Variants in OSBP2 observed in about 807,000 individuals in gnomAD.
The protein encoded by OSBP2 is oxysterol-binding protein 2.
OSBP2 carries 66 observed loss-of-function variants against 96.0 expected under a neutral mutation model. The observed-to-expected ratio is 0.69, with a 90% CI of 0.56 to 0.84. The LOEUF (loss-of-function observed/expected upper bound fraction) is 0.84, where lower values mean the gene tolerates loss of function less well. Ranked by LOEUF, OSBP2 falls within the 40% of genes least tolerant of loss-of-function variation. The pLI, the probability that OSBP2 is intolerant of heterozygous loss-of-function variation, is 0.00. For synonymous variants in OSBP2, 525 were observed against 520.9 expected (o/e 1.01, Z -0.11); for missense variants, 1,038 against 1,222.7 (o/e 0.85, Z 2.25).
At chr22:30,815,291 A>C (rs2091069381) in intron 2 of OSBP2, among the ~76,000 whole-genome samples, 1 of 152,068 alleles carries the variant, frequency 6.6e-6, no homozygotes, top group Non-Finnish European at 1.5e-5. Flanking sequence ...TTTTTTAACA[A>C]AACAAAACAA....
chr22:30,825,313 C>A (rs2038375108), intron 2 of OSBP2, among the ~76,000 whole-genome samples: 1 of 152,166 alleles, frequency 6.6e-6, no homozygotes, highest in Non-Finnish European at 1.5e-5. Flanking sequence ...CATGGTGAAA[C>A]CCCATCCTTA....
intron 8 of OSBP2, among the ~76,000 whole-genome samples, chr22:30,891,180 T>C (rs964268161): frequency 6.6e-6 from 1 of 152,080 alleles, no homozygotes; most frequent in Non-Finnish European, 1.5e-5. Context: ...GCGAGGGGCA[T>C]GAGAACTCAG....
chr22:30,740,658 G>A (rs990703927), intron 1 of OSBP2, among the ~76,000 whole-genome samples: 4 of 152,136 alleles, frequency 2.6e-5, no homozygotes, highest in Non-Finnish European at 5.9e-5. Context: ...ATTTTGCAAA[G>A]GCAGTTTCAT....
intron 2 of OSBP2, among the ~76,000 whole-genome samples, chr22:30,759,633 A>G (rs957388560): frequency 6.6e-6 from 1 of 152,234 alleles, no homozygotes; most frequent in Non-Finnish European, 1.5e-5. Flanking sequence ...TTCTTCAAAA[A>G]TCAAATTCTA....
chr22:30,795,981 G>A (rs2090754844), intron 2 of OSBP2, among the ~76,000 whole-genome samples: 1 of 151,738 alleles, frequency 6.6e-6, no homozygotes, highest in African/African-American at 2.4e-5. Flanking sequence ...TTTCAAGTTG[G>A]CTCCTTGCCA....
intron 2 of OSBP2, among the ~76,000 whole-genome samples, chr22:30,756,608 G>A (rs1241987067): frequency 5.3e-5 from 8 of 152,160 alleles, no homozygotes; most frequent in African/African-American, 1.7e-4. Flanking sequence ...CAGAAGAATC[G>A]TTCGAACCCG....
At chr22:30,878,450 A>T (rs1487306028) in intron 3 of OSBP2, among the ~76,000 whole-genome samples, 4 of 151,890 alleles carry the variant, frequency 2.6e-5, no homozygotes, top group Non-Finnish European at 4.4e-5. Context: ...ATGGGGAAGG[A>T]CCCCATGCTG....
intron 2 of OSBP2, among the ~76,000 whole-genome samples, chr22:30,858,264 A>G (rs952667248): frequency 2.0e-5 from 3 of 150,738 alleles, no homozygotes; most frequent in Non-Finnish European, 4.4e-5. Flanking sequence ...CTCCTGCCTC[A>G]GCCTCCCCAG....
chr22:30,903,975 G>C (rs1171630213), intron 12 of OSBP2, among the ~76,000 whole-genome samples: 1 of 152,226 alleles, frequency 6.6e-6, no homozygotes, highest in African/African-American at 2.4e-5. Context: ...GCATCTTGGG[G>C]ACACACTTGG....
At chr22:30,725,544 AC>A (rs890320621) in intron 1 of OSBP2, among the ~76,000 whole-genome samples, 1 of 135,572 alleles carries the variant, frequency 7.4e-6, no homozygotes, top group Non-Finnish European at 1.6e-5. Context: ...AAAAACAAAA[AC>A]AAAAAAAAAA....
chr22:30,783,542 G>A (rs1014070635), intron 2 of OSBP2, among the ~76,000 whole-genome samples: 5 of 151,768 alleles, frequency 3.3e-5, no homozygotes, highest in Admixed American at 2.0e-4. Context: ...GGCTGGTCTC[G>A]AATTCCTGAT....
intron 1 of OSBP2, among the ~76,000 whole-genome samples, chr22:30,719,764 G>GA (rs979073829): frequency 1.3e-3 from 166 of 127,408 alleles, no homozygotes; most frequent in South Asian, 2.4e-3. Context: ...AAAAAAAAAA[G>GA]AAAAAAAAAA....
In OSBP2 at chr22:30,907,797, A is replaced by G. The variant is rs933608746; in HGVS notation, c.*1458A>G. On this transcript the variant is annotated 3_prime_UTR_variant, in exon 14 of 14. Coordinates refer to ENST00000332585, the MANE Select transcript of OSBP2 (RefSeq NM_030758.4). The stretch of plus-strand genomic sequence containing the variant: ...GCGAGCACCTTTTGACCAGTAATAA[A>G]AAACCTTGGCTTTGGAGTTTTCCAC... The G allele has an allele frequency of 6.6e-6, 1 of 152,608 alleles. No individual in the cohort carries two copies. Among genetic ancestry groups the G allele is most frequent in the Non-Finnish European group, 1.5e-5 (1 of 68,092 alleles). 9.5% of individuals were successfully genotyped at this position (152,608 alleles called of 1,614,324 possible).
At chr22:30,850,874 A>T (rs760036273) in intron 2 of OSBP2, among the ~76,000 whole-genome samples, 1 of 152,240 alleles carries the variant, frequency 6.6e-6, no homozygotes, top group African/African-American at 2.4e-5. Flanking sequence ...ATGGGATTGC[A>T]TTGAATCTAT....
intron 2 of OSBP2, among the ~76,000 whole-genome samples, chr22:30,760,810 T>C (rs1429660210): frequency 6.6e-6 from 1 of 151,376 alleles, no homozygotes; most frequent in Admixed American, 6.6e-5. Flanking sequence ...AGAGCAAGAC[T>C]CTGTCTCAAA....
chr22:30,791,370 A>G (rs1164582653), intron 2 of OSBP2, among the ~76,000 whole-genome samples: 1 of 123,434 alleles, frequency 8.1e-6, no homozygotes, highest in Non-Finnish European at 1.6e-5. Context: ...TCTGTCATCC[A>G]GGCTGGAGTG....
At chr22:30,736,632 T>C (rs1400753946) in intron 1 of OSBP2, among the ~76,000 whole-genome samples, 1 of 152,266 alleles carries the variant, frequency 6.6e-6, no homozygotes, top group Non-Finnish European at 1.5e-5. Context: ...AGACAATTCC[T>C]ATATACTCTT....
chr22:30,786,054 C>T (rs558423682), intron 2 of OSBP2, among the ~76,000 whole-genome samples: 103 of 146,794 alleles, frequency 7.0e-4, no homozygotes, highest in African/African-American at 2.5e-3. Context: ...ACAGAAGTCT[C>T]GCTGTGTTAC....
chr22:30,885,865 ATCCTG>A (rs1244170000), intron 3 of OSBP2, among the ~76,000 whole-genome samples: 2 of 152,228 alleles, frequency 1.3e-5, no homozygotes, highest in Admixed American at 1.3e-4. Context: ...CCCAACTGGC[ATCCTG>A]ACCGTGGGAG....
Sources: allele counts gnomAD v4.1 joint callset (sites outside exome capture counted in the v4.1 genomes callset), GRCh38; gene constraint gnomAD v4.1.1; transcripts MANE v1.5; gene names NCBI Gene and HGNC (gene_info 2026-07-23, HGNC 2026-07-21).